Variants in WTAP observed in about 807,000 individuals in gnomAD.
WTAP encodes pre-mRNA-splicing regulator WTAP.
WTAP carries 8 observed loss-of-function variants against 50.0 expected under a neutral mutation model. That is an observed-to-expected ratio of 0.16 (90% CI 0.09 to 0.29). WTAP has a LOEUF of 0.29. WTAP is among the 10% of genes least tolerant of loss of function. The probability of loss-of-function intolerance (pLI) is 1.00; values close to 1 mark genes in which losing one functional copy is unlikely to be tolerated. For missense variants in WTAP, 295 were observed against 470.7 expected (o/e 0.63, Z 3.45); for synonymous variants, 194 against 169.0 (o/e 1.15, Z -1.15).
At chr6:159,727,160 T>A (rs545139591), upstream of WTAP, 94 of 1,195,472 alleles carry the variant, frequency 7.9e-5, no homozygotes, top group Non-Finnish European at 9.5e-5. Context: ...CCCGCGGAGC[T>A]CGCGCCAGGC....
upstream of WTAP, chr6:159,727,015 AG>A (rs1240231872): frequency 8.0e-7 from 1 of 1,242,680 alleles, no homozygotes; most frequent in Non-Finnish European, 1.0e-6. Context: ...CGCACGAGGC[AG>A]CCCCGCAGCC....
chr6:159,739,186 A>G (rs1474463512), intron 3 of WTAP, 141 bp downstream of exon 3: 3 of 628,886 alleles, frequency 4.8e-6, no homozygotes, highest in East Asian at 3.1e-5. Context: ...TGAGCATACT[A>G]TGACCTATTT....
upstream of WTAP, chr6:159,727,403 G>A (rs1361523627): frequency 8.2e-7 from 1 of 1,224,326 alleles, no homozygotes; most frequent in East Asian, 6.4e-5. Context: ...GGAGGCGGGA[G>A]GCAGTGGCGC....
At chr6:159,731,465 C>T (rs1172478943) in intron 1 of WTAP, among the ~76,000 whole-genome samples, 2 of 151,930 alleles carry the variant, frequency 1.3e-5, no homozygotes, top group Admixed American at 1.3e-4. Flanking sequence ...GAGACTCTGT[C>T]TCAAAAAAAG....
rs965436014 is a variant in WTAP at position 159,727,508 on chromosome 6, C to T, written c.-204C>T. On this transcript the variant is annotated 5_prime_UTR_variant, in exon 1 of 8. Coordinates refer to ENST00000621533, the MANE Select transcript of WTAP (RefSeq NM_001270531.2). The stretch of plus-strand genomic sequence containing the variant: ...GCCGGGCGGCGGGGCCTGGTTTCCT[C>T]CCTCAGCGCCATTTTGTGGCAGCGA... 3.0e-6 allele frequency: 3 copies of T among 992,434 alleles called. No individual in the cohort carries two copies. The highest frequency in any genetic ancestry group is 5.1e-4 in the Middle Eastern group (1 of 1,952). 61.5% of individuals were successfully genotyped at this position (992,434 alleles called of 1,614,324 possible). A position where few individuals can be genotyped will look rare whatever the true frequency, so the allele number is the denominator to read the frequency against.
intron 4 of WTAP, among the ~76,000 whole-genome samples, chr6:159,742,768 G>A (rs1334112256): frequency 6.6e-6 from 1 of 152,050 alleles, no homozygotes; most frequent in Non-Finnish European, 1.5e-5. Context: ...CATTGTGAAA[G>A]TTTAAGGCTA....
chr6:159,727,455 G>T, upstream of WTAP: 2 of 1,006,660 alleles, frequency 2.0e-6, no homozygotes, highest in South Asian at 3.7e-5. Context: ...GCGGGGCAGG[G>T]CGGAGCGGAG....
chr6:159,730,162 A>G (rs2114866812), intron 1 of WTAP, among the ~76,000 whole-genome samples: 1 of 152,308 alleles, frequency 6.6e-6, no homozygotes, highest in East Asian at 1.9e-4. Flanking sequence ...TTAATCACCT[A>G]ATAGCTGATC....
At chr6:159,750,458 C>G (rs1469700671) in intron 6 of WTAP, among the ~76,000 whole-genome samples, 3 of 152,168 alleles carry the variant, frequency 2.0e-5, no homozygotes, top group Non-Finnish European at 4.4e-5. Flanking sequence ...GTGAGTGTCA[C>G]TCCCGGATGT....
At chr6:159,731,253 G>A (rs1397412711) in intron 1 of WTAP, among the ~76,000 whole-genome samples, 2 of 151,862 alleles carry the variant, frequency 1.3e-5, no homozygotes, top group Non-Finnish European at 2.9e-5. Context: ...CTGAGCCCAG[G>A]AGTTCAAGAC....
chr6:159,755,760 C>CTTTT lies in WTAP; in HGVS notation c.*150_*153dup, dbSNP rs1779984995. 4 of 283,704 alleles carry CTTTT rather than the reference C, an allele frequency of 1.4e-5. No homozygotes were observed. The highest frequency in any genetic ancestry group is 1.3e-4 in the Admixed American group (1 of 7,430). The allele number at this position is 283,704 out of a possible 1,614,324, so 17.6% of individuals were successfully genotyped here. ...TGTTTTTTTTCTTTGTTTTTTTTTT[C>CTTTT]TTTTCTTTTTTTTTTTTTTTTTTTT... On this transcript the variant is annotated 3_prime_UTR_variant, in exon 8 of 8. Transcript: ENST00000621533.
chr6:159,737,095 T>C (rs1170346212), intron 2 of WTAP, among the ~76,000 whole-genome samples: 1 of 152,236 alleles, frequency 6.6e-6, no homozygotes, highest in African/African-American at 2.4e-5. Context: ...TTGCCCAGGT[T>C]GGAGTGCAGT....
At chr6:159,754,444 A>T (rs1779930641) in intron 7 of WTAP, among the ~76,000 whole-genome samples, 1 of 152,186 alleles carries the variant, frequency 6.6e-6, no homozygotes, top group South Asian at 2.1e-4. Context: ...CCATAGGTAA[A>T]CGTGAGTCAA....
rs1779709431 is a variant in WTAP at position 159,748,712 on chromosome 6, T to A, written c.452+343T>A. ...AAAATAGAGGGAGAAACAGAAGTCTTAAGTCTGTGGCACACTGTGTCTTCA... is the reference window on the plus strand; with the variant it reads ...AAAATAGAGGGAGAAACAGAAGTCTAAAGTCTGTGGCACACTGTGTCTTCA... On this transcript the variant is annotated intron_variant, in intron 6 of 7. Coordinates refer to ENST00000621533, the MANE Select transcript of WTAP (RefSeq NM_001270531.2). This position sits in a 1 kb window ranked among gnomAD's most constrained non-coding sequence, Gnocchi z 5.6. The A allele has an allele frequency of 8.0e-7, 1 of 1,252,402 alleles. No individual in the cohort carries two copies. Among genetic ancestry groups the A allele is most frequent in the Non-Finnish European group, 1.0e-6 (1 of 999,824 alleles). 77.6% of individuals were successfully genotyped at this position (1,252,402 alleles called of 1,614,324 possible). A position where few individuals can be genotyped will look rare whatever the true frequency, so the allele number is the denominator to read the frequency against.
chr6:159,748,104 A>G lies in WTAP; in HGVS notation c.274-87A>G. On this transcript the variant is annotated intron_variant, in intron 5 of 7. Transcript: ENST00000621533. The surrounding 1 kb of genome is among the most constrained non-coding windows in gnomAD (Gnocchi z 5.6). ...GGAGGAGCTTAATGAAAGAGTTGGT[A>G]AATCAAGTGAATGGAGGGAGTTTTC... 1.4e-6 allele frequency: 2 copies of G among 1,475,366 alleles called. No homozygotes were observed. The highest frequency in any genetic ancestry group is 1.8e-6 in the Non-Finnish European group (2 of 1,093,292). The allele number at this position is 1,475,366 out of a possible 1,614,324, so 91.4% of individuals were successfully genotyped here.
At chr6:159,728,641 T>A (rs1364695760) in intron 1 of WTAP, among the ~76,000 whole-genome samples, 1 of 152,230 alleles carries the variant, frequency 6.6e-6, no homozygotes, top group African/African-American at 2.4e-5. Context: ...TTGTGGACAT[T>A]TAAAACCGTA....
At position 159,748,632 on chromosome 6, in the gene WTAP, C is replaced by T; in HGVS notation, c.452+263C>T. 3.9e-6 allele frequency: 5 copies of T among 1,281,740 alleles called. No individual in the cohort carries two copies. The highest frequency in any genetic ancestry group is 4.9e-6 in the Non-Finnish European group (5 of 1,016,264). 79.4% of individuals were successfully genotyped at this position (1,281,740 alleles called of 1,614,324 possible). A position where few individuals can be genotyped will look rare whatever the true frequency, so the allele number is the denominator to read the frequency against. On this transcript the variant is annotated intron_variant, in intron 6 of 7. Coordinates refer to ENST00000621533, the MANE Select transcript of WTAP (RefSeq NM_001270531.2). The surrounding 1 kb of genome is among the most constrained non-coding windows in gnomAD (Gnocchi z 5.6). ...ACTATTCCGAAGAAGTGGCCACCTC[C>T]GAAAAATTCCCCTTCTAGAACATGT...
At chr6:159,727,184 C>G, upstream of WTAP, 1 of 1,222,924 alleles carries the variant, frequency 8.2e-7, no homozygotes, top group Non-Finnish European at 1.0e-6. Context: ...TGGGAAAGGA[C>G]GGGGAGTGTT....
chr6:159,750,816 AT>A (rs1282667727), intron 6 of WTAP, among the ~76,000 whole-genome samples: 1 of 147,708 alleles, frequency 6.8e-6, no homozygotes. Flanking sequence ...TACATCACTA[AT>A]TTGAAACAAA....
Sources: allele counts gnomAD v4.1 joint callset (sites outside exome capture counted in the v4.1 genomes callset), GRCh38; gene constraint gnomAD v4.1.1; non-coding constraint Gnocchi (gnomAD v3.1); transcripts MANE v1.5; gene names NCBI Gene and HGNC (gene_info 2026-07-23, HGNC 2026-07-21).